ALK: variants seen among roughly 807,000 people sequenced by gnomAD.
ALK encodes ALK receptor tyrosine kinase, also known as ALK tyrosine kinase receptor.
A neutral mutation model predicts 163.1 loss-of-function variants in ALK; 74 were observed. The observed-to-expected ratio is 0.45, with a 90% CI of 0.38 to 0.55. ALK has a LOEUF of 0.55. ALK is among the 20% of genes least tolerant of loss of function. ALK has a pLI of 0.00. For missense variants in ALK, 2,063 were observed against 2,105.3 expected (o/e 0.98, Z 0.39); for synonymous variants, 960 against 843.2 (o/e 1.14, Z -2.40).
intron 4 of ALK, among the ~76,000 whole-genome samples, chr2:29,497,452 G>A (rs72794460): frequency 0.068 from 10,296 of 152,054 alleles, 480 homozygotes; most frequent in Non-Finnish European, 0.1. Context: ...CCTTGGTCTA[G>A]GTCAGCATGG....
chr2:29,254,183 C>T (rs1664896790), intron 11 of ALK, among the ~76,000 whole-genome samples: 2 of 152,190 alleles, frequency 1.3e-5, no homozygotes, highest in South Asian at 4.1e-4. Flanking sequence ...CCTCTCCAGC[C>T]ATGCTGAACT....
At chr2:29,782,033 C>G (rs1341362599) in intron 1 of ALK, among the ~76,000 whole-genome samples, 2 of 152,176 alleles carry the variant, frequency 1.3e-5, no homozygotes, top group African/African-American at 4.8e-5. Flanking sequence ...AACTGAGGTG[C>G]TTTTTATTCC....
At chr2:29,816,858 T>G (rs1309573658) in intron 1 of ALK, among the ~76,000 whole-genome samples, 2 of 152,088 alleles carry the variant, frequency 1.3e-5, no homozygotes, top group Non-Finnish European at 2.9e-5. Flanking sequence ...GAAAGCTGAA[T>G]CAGATTTCAA....
intron 4 of ALK, among the ~76,000 whole-genome samples, chr2:29,516,917 A>G (rs777343427): frequency 6.6e-6 from 1 of 152,246 alleles, no homozygotes; most frequent in Admixed American, 6.5e-5. Context: ...CTACTGTTTC[A>G]GGCCTGCCTG....
chr2:29,664,177 A>T (rs1296763395), intron 3 of ALK, among the ~76,000 whole-genome samples: 2 of 152,206 alleles, frequency 1.3e-5, no homozygotes, highest in Non-Finnish European at 2.9e-5. Context: ...TCTCACATCT[A>T]CAACAAAAGT....
At chr2:29,515,273 C>T (rs1475318099) in intron 4 of ALK, among the ~76,000 whole-genome samples, 3 of 152,148 alleles carry the variant, frequency 2.0e-5, no homozygotes, top group Non-Finnish European at 4.4e-5. Flanking sequence ...GCCTGTACCC[C>T]TCTGTCATGT....
chr2:29,419,343 C>T (rs1412310428), intron 4 of ALK, among the ~76,000 whole-genome samples: 2 of 151,516 alleles, frequency 1.3e-5, no homozygotes, highest in Non-Finnish European at 2.9e-5. Context: ...CATGAGCCAC[C>T]GCAACTGGCC....
chr2:29,474,276 A>T (rs1009087288), intron 4 of ALK, among the ~76,000 whole-genome samples: 1 of 152,228 alleles, frequency 6.6e-6, no homozygotes, highest in Non-Finnish European at 1.5e-5. Context: ...TAAAAACAGG[A>T]AAATCTAATC....
At chr2:29,696,664 G>C (rs886114183) in intron 2 of ALK, among the ~76,000 whole-genome samples, 2 of 151,696 alleles carry the variant, frequency 1.3e-5, no homozygotes, top group African/African-American at 4.8e-5. Context: ...GATCATTAGC[G>C]TATCATTATA....
At chr2:29,659,217 G>T (rs1026002099) in intron 3 of ALK, among the ~76,000 whole-genome samples, 7 of 152,136 alleles carry the variant, frequency 4.6e-5, no homozygotes, top group African/African-American at 1.7e-4. Context: ...TCAAACAAAA[G>T]CATTAGTGAC....
chr2:29,423,595 C>T (rs1262208626), intron 4 of ALK, among the ~76,000 whole-genome samples: 2 of 152,132 alleles, frequency 1.3e-5, no homozygotes, highest in Non-Finnish European at 1.5e-5. Context: ...ATAATCGGAG[C>T]AATAAAACTG....
intron 11 of ALK, among the ~76,000 whole-genome samples, chr2:29,251,914 C>T (rs1456868244): frequency 2.0e-5 from 3 of 152,224 alleles, no homozygotes; most frequent in Non-Finnish European, 4.4e-5. Flanking sequence ...CTGTCAGACG[C>T]TCCCTAACAG....
At chr2:29,820,613 G>C (rs1427583773) in intron 1 of ALK, among the ~76,000 whole-genome samples, 4 of 152,212 alleles carry the variant, frequency 2.6e-5, no homozygotes, top group Admixed American at 2.6e-4. Flanking sequence ...AGCTGAAAAA[G>C]AAGCACGTCC....
chr2:29,207,075 T>A (rs1361372803), intron 26 of ALK, 96 bp downstream of exon 26: 4 of 928,360 alleles, frequency 4.3e-6, no homozygotes, highest in Non-Finnish European at 7.2e-6. Flanking sequence ...CCCTCCCTAC[T>A]AACACACGGG....
At chr2:29,561,548 C>T (rs1177191678) in intron 3 of ALK, among the ~76,000 whole-genome samples, 5 of 152,168 alleles carry the variant, frequency 3.3e-5, no homozygotes, top group Admixed American at 2.0e-4. Context: ...GGAGCATGTT[C>T]ACTGTCCATC....
chr2:29,558,106 C>T (rs1373662327), intron 3 of ALK, among the ~76,000 whole-genome samples: 1 of 152,226 alleles, frequency 6.6e-6, no homozygotes, highest in Non-Finnish European at 1.5e-5. Context: ...AAAAAGTCCT[C>T]CCTTCTTTCT....
intron 3 of ALK, among the ~76,000 whole-genome samples, chr2:29,669,803 T>G (rs970574890): frequency 6.6e-5 from 10 of 151,998 alleles, no homozygotes; most frequent in African/African-American, 2.4e-4. Flanking sequence ...AAACATCTTA[T>G]AGATAATAAT....
chr2:29,861,067 G>A (rs1666279268), intron 1 of ALK, among the ~76,000 whole-genome samples: 1 of 152,148 alleles, frequency 6.6e-6, no homozygotes. Flanking sequence ...AGCTACTCAG[G>A]GGGCTGCGGT....
intron 3 of ALK, among the ~76,000 whole-genome samples, chr2:29,565,431 G>A (rs1433063683): frequency 6.6e-6 from 1 of 152,168 alleles, no homozygotes; most frequent in East Asian, 1.9e-4. Flanking sequence ...CAGTTATTGA[G>A]GGGAGGCCGG....
Sources: gnomAD v4.1 joint callset for allele counts (sites outside exome capture counted in the v4.1 genomes callset) on GRCh38, gnomAD v4.1.1 for gene constraint, MANE v1.5 for transcripts, NCBI Gene and HGNC (gene_info 2026-07-23, HGNC 2026-07-21) for gene names.